The following MED22 variants were observed in gnomAD, a reference collection of about 807,000 sequenced individuals.
The protein encoded by MED22 is mediator of RNA polymerase II transcription subunit 22.
A neutral mutation model predicts 22.7 loss-of-function variants in MED22; 22 were observed. That is an observed-to-expected ratio of 0.97 (90% CI 0.69 to 1.38). MED22 has a LOEUF of 1.38. Among genes scored for constraint, MED22 ranks in the 40% most tolerant of loss-of-function variants. MED22 has a pLI of 0.00. For missense variants in MED22, 247 were observed against 263.0 expected (o/e 0.94, Z 0.42); for synonymous variants, 134 against 119.4 (o/e 1.12, Z -0.80).
In MED22 at chr9:133,341,564, G is replaced by A. The variant is rs2129949071; in HGVS notation, c.544C>T (p.Gln182Ter). 1.9e-6 allele frequency: 3 copies of A among 1,562,756 alleles called. No homozygotes were observed. The highest frequency in any genetic ancestry group is 2.4e-5 in the East Asian group (1 of 41,166). Reference protein sequence around the residue: ...ASPEPSAGPLQVAAPAHSHAG... With the variant: ...ASPEPSAGPL ...TGGGAGTGGGCAGGGGCTGCCACCT[G>A]TAGGGGGCCAGCACTGGGCTCCGGG... The change falls in exon 5 of 5, where the codon CAG becomes TAG. Residue 182 changes from glutamine (Q) to a stop codon, truncating the protein, a stop_gained. Transcript: ENST00000343730. LOFTEE classifies it high-confidence loss of function.
rs144767798 is a variant in MED22 at position 133,341,534 on chromosome 9, C to T, written c.574G>A (p.Gly192Ser). 430 of 1,532,950 alleles carry T rather than the reference C, an allele frequency of 2.8e-4. No homozygotes were observed. The highest frequency in any genetic ancestry group is 3.6e-4 in the Non-Finnish European group (414 of 1,150,648). The allele number at this position is 1,532,950 out of a possible 1,614,324, so 95.0% of individuals were successfully genotyped here. A position where few individuals can be genotyped will look rare whatever the true frequency, so the allele number is the denominator to read the frequency against. Residue 192 changes from glycine to serine, a missense_variant, in exon 5 of 5, where the codon GGT becomes AGT. By Grantham distance (56) the Gly-to-Ser change is moderately conservative. Transcript: ENST00000343730. ...GCGTGCTCAGTGGGGCCAGGGCCAC[C>T]AGCATGGGAGTGGGCAGGGGCTGCC... ...QVAAPAHSHA[G>S]GPGPTEHA
chr9:133,343,876 CT>C, intron 4 of MED22: 1 of 1,420,152 alleles, frequency 7.0e-7, no homozygotes, highest in East Asian at 2.5e-5. Flanking sequence ...CAGACTCGGC[CT>C]ATCCGACTGG....
chr9:133,341,706 C>T lies in MED22; in HGVS notation c.414-12G>A, dbSNP rs2129950356. On this transcript the variant is annotated splice_polypyrimidine_tract_variant and intron_variant, in intron 4 of 4. Transcript: ENST00000343730. ...CGCAAAGGCTTGAGCTTTTCCACCA[C>T]CAGAAACCCCAGGGAGAGACAGGAG... 19 of 1,603,786 alleles carry T rather than the reference C, an allele frequency of 1.2e-5. No homozygotes were observed. The African/African-American group carries it at 1.6e-4, about 14-fold the overall frequency.
chr9:133,346,550 TTGA>T lies in MED22; in HGVS notation c.110_112del (p.Ile37del). 1 of 1,612,636 alleles carries T rather than the reference TTGA, an allele frequency of 6.2e-7. No individual in the cohort carries two copies. Among genetic ancestry groups the T allele is most frequent in the Non-Finnish European group, 8.5e-7 (1 of 1,179,976 alleles). ...CCACCCCACCCCCACCTTGGCGGTC[TTGA>T]TGATCTCGGTGAAGTTGTCCATGAT... On this transcript the variant is annotated inframe_deletion, in exon 2 of 5. Transcript: ENST00000343730.
At chr9:133,344,016 A>G in intron 4 of MED22, 109 bp downstream of exon 4, 1 of 1,538,068 alleles carries the variant, frequency 6.5e-7, no homozygotes, top group South Asian at 1.2e-5. Context: ...GCATGGCTCC[A>G]CTGCTAAGAC....
At chr9:133,346,119 A>G (rs1836172136) in intron 2 of MED22, among the ~76,000 whole-genome samples, 1 of 152,240 alleles carries the variant, frequency 6.6e-6, no homozygotes, top group South Asian at 2.1e-4. Context: ...GGAGGGATCC[A>G]GCCCAATCTG....
In MED22 at chr9:133,340,384, T is replaced by C. The variant is rs933200664; in HGVS notation, c.*1121A>G. Reference sequence around the variant, plus strand: ...CTCATTCATACATCGGGAAAGATGATGGCCTCCCCCATGAGAAGATGAAGC... The same window carrying C: ...CTCATTCATACATCGGGAAAGATGACGGCCTCCCCCATGAGAAGATGAAGC... On this transcript the variant is annotated 3_prime_UTR_variant, in exon 5 of 5. Coordinates refer to ENST00000343730, the MANE Select transcript of MED22 (RefSeq NM_133640.5). The C allele has an allele frequency of 6.6e-6, 1 of 152,316 alleles. No homozygotes were observed. Among genetic ancestry groups the C allele is most frequent in the African/African-American group, 2.4e-5 (1 of 41,414 alleles). The allele number at this position is 152,316 out of a possible 1,614,324, so 9.4% of individuals were successfully genotyped here.
intron 4 of MED22, 68 bp downstream of exon 4, chr9:133,344,057 C>CT: frequency 1.3e-6 from 2 of 1,599,470 alleles, no homozygotes; most frequent in South Asian, 2.2e-5. Context: ...AGAAGGCAGC[C>CT]CTGCCTGCTG....
intron 4 of MED22, chr9:133,343,372 C>T: frequency 8.1e-7 from 1 of 1,230,272 alleles, no homozygotes; most frequent in Non-Finnish European, 1.0e-6. Context: ...GCCTAAGTTT[C>T]CCCCTAAGTA....
At chr9:133,341,866 G>T in intron 4 of MED22, 172 bp from the exon 5 acceptor site, 1 of 1,388,798 alleles carries the variant, frequency 7.2e-7, no homozygotes, top group Non-Finnish European at 9.2e-7. Flanking sequence ...GGCCTGGCAA[G>T]GAGAGGCGGC....
chr9:133,341,559 C>T lies in MED22; in HGVS notation c.549G>A (p.Val183=). 1 of 1,556,684 alleles carries T rather than the reference C, an allele frequency of 6.4e-7. No individual in the cohort carries two copies. Among genetic ancestry groups the T allele is most frequent in the Non-Finnish European group, 8.6e-7 (1 of 1,159,534 alleles). The change falls in exon 5 of 5, where the codon GTG becomes GTA. Residue 183 remains valine (V), a synonymous_variant. Coordinates refer to ENST00000343730, the MANE Select transcript of MED22 (RefSeq NM_133640.5). ...SPEPSAGPLQ[V]AAPAHSHAGG... ...CAGCATGGGAGTGGGCAGGGGCTGC[C>T]ACCTGTAGGGGGCCAGCACTGGGCT...
intron 4 of MED22, chr9:133,342,902 C>T: frequency 1.0e-6 from 1 of 985,608 alleles, no homozygotes; most frequent in Non-Finnish European, 1.2e-6. Flanking sequence ...GAATTACAGG[C>T]CCACAGCTGC....
chr9:133,339,009 AGAG>A lies in MED22; in HGVS notation c.*2493_*2495del. 1.2e-6 allele frequency: 1 copy of A among 834,516 alleles called. No individual in the cohort carries two copies. The highest frequency in any genetic ancestry group is 1.3e-5 in the South Asian group (1 of 76,700). 51.7% of individuals were successfully genotyped at this position (834,516 alleles called of 1,614,324 possible). The stretch of plus-strand genomic sequence containing the variant: ...GCCAAAATGACGAACACAAAGGGAA[AGAG>A]GAGAGGCACCCAATATATGTTCTCT... On this transcript the variant is annotated 3_prime_UTR_variant, in exon 5 of 5. Coordinates refer to ENST00000343730, the MANE Select transcript of MED22 (RefSeq NM_133640.5).
In MED22 at chr9:133,342,656, G is replaced by A. The variant is rs1384257652; in HGVS notation, c.414-962C>T. 2.2e-5 allele frequency: 22 copies of A among 985,658 alleles called. No individual in the cohort carries two copies. The East Asian group carries it at 3.4e-4, about 15-fold the overall frequency. 61.1% of individuals were successfully genotyped at this position (985,658 alleles called of 1,614,324 possible). On this transcript the variant is annotated intron_variant, in intron 4 of 4. Coordinates refer to ENST00000343730, the MANE Select transcript of MED22 (RefSeq NM_133640.5). Reference sequence around the variant, plus strand: ...TCGCTTAAAGGCAATGTACAGAGGAGGGCAACTGCTTCTGCCACAGGGGCT... The same window carrying A: ...TCGCTTAAAGGCAATGTACAGAGGAAGGCAACTGCTTCTGCCACAGGGGCT...
In MED22 at chr9:133,339,507, A is replaced by G. The variant is rs1835961143; in HGVS notation, c.*1998T>C. On this transcript the variant is annotated 3_prime_UTR_variant, in exon 5 of 5. Coordinates refer to ENST00000343730, the MANE Select transcript of MED22 (RefSeq NM_133640.5). ...AAAAGACCTCTGGACTAGAAAGAAA[A>G]AAAATAGGCATTAAAAAAACTATTT... 1.6e-6 allele frequency: 1 copy of G among 610,288 alleles called. No individual in the cohort carries two copies. Among genetic ancestry groups the G allele is most frequent in the Non-Finnish European group, 3.0e-6 (1 of 337,080 alleles). The allele number at this position is 610,288 out of a possible 1,614,324, so 37.8% of individuals were successfully genotyped here. A position where few individuals can be genotyped will look rare whatever the true frequency, so the allele number is the denominator to read the frequency against.
intron 4 of MED22, 195 bp from the exon 5 acceptor site, chr9:133,341,889 C>T: frequency 1.5e-6 from 2 of 1,366,952 alleles, no homozygotes; most frequent in Non-Finnish European, 1.9e-6. Context: ...GTGGTGAGAG[C>T]CACCCTAGCA....
At chr9:133,346,385 G>A (rs1021941411) in intron 2 of MED22, 155 bp downstream of exon 2, 2 of 852,538 alleles carry the variant, frequency 2.3e-6, no homozygotes, top group East Asian at 2.5e-5. Flanking sequence ...GGCTGGACGT[G>A]CCATTATTTG....
intron 4 of MED22, chr9:133,343,460 C>T: frequency 5.7e-6 from 7 of 1,229,152 alleles, no homozygotes; most frequent in Non-Finnish European, 7.1e-6. Context: ...CGGAGCCCCA[C>T]AAGGGTCAGG....
At position 133,345,147 on chromosome 9, in the gene MED22, C is replaced by T. The variant is rs2129963811; in HGVS notation, c.204+25G>A. On this transcript the variant is annotated intron_variant, in intron 3 of 4. Coordinates refer to ENST00000343730, the MANE Select transcript of MED22 (RefSeq NM_133640.5). ...GGACTGATGCTCTTGGAGCCCAGGC[C>T]GTGCCCTCCACCCTGGCCACTCACG... 4.6e-5 allele frequency: 74 copies of T among 1,611,042 alleles called. No homozygotes were observed. In the South Asian group the frequency reaches 6.3e-4, roughly 14 times the overall value.
Sources: gnomAD v4.1 joint callset for allele counts (sites outside exome capture counted in the v4.1 genomes callset) on GRCh38, gnomAD v4.1.1 for gene constraint, MANE v1.5 for transcripts, NCBI Gene and HGNC (gene_info 2026-07-23, HGNC 2026-07-21) for gene names.